Variants in NAV2 observed in about 807,000 individuals in gnomAD.
NAV2 encodes the protein neuron navigator 2.
NAV2 carries 54 observed loss-of-function variants against 223.2 expected under a neutral mutation model. The ratio of observed to expected loss-of-function variants is 0.24; its 90% CI spans 0.19 to 0.30. NAV2 has a LOEUF of 0.30. Ranked by LOEUF, NAV2 falls within the 10% of genes least tolerant of loss-of-function variation. NAV2 has a pLI of 1.00. For synonymous variants in NAV2, 1,279 were observed against 1,239.3 expected (o/e 1.03, Z -0.67); for missense variants, 2,806 against 3,147.5 (o/e 0.89, Z 2.60).
At chr11:19,423,171 G>T (rs924482477) in intron 1 of NAV2, among the ~76,000 whole-genome samples, 3 of 152,174 alleles carry the variant, frequency 2.0e-5, no homozygotes, top group Non-Finnish European at 4.4e-5. Context: ...CATTATTTTG[G>T]TAGCTTCAGC....
At chr11:19,694,051 A>C (rs1006071591) in intron 1 of NAV2, among the ~76,000 whole-genome samples, 1 of 152,210 alleles carries the variant, frequency 6.6e-6, no homozygotes, top group African/African-American at 2.4e-5. Context: ...GAATGATGTC[A>C]TTTGATCTTC....
chr11:20,004,569 G>T (rs1815190045), intron 11 of NAV2, among the ~76,000 whole-genome samples: 2 of 152,158 alleles, frequency 1.3e-5, no homozygotes, highest in South Asian at 4.1e-4. Flanking sequence ...ATTCTGATCA[G>T]GTTACAGTGA....
At chr11:19,800,592 G>A (rs2058188675) in intron 1 of NAV2, among the ~76,000 whole-genome samples, 1 of 151,898 alleles carries the variant, frequency 6.6e-6, no homozygotes, top group Admixed American at 6.6e-5. Context: ...AAATTATCTT[G>A]AAATGCAAGC....
chr11:19,937,361 C>T (rs2045999321), intron 7 of NAV2, among the ~76,000 whole-genome samples: 1 of 144,866 alleles, frequency 6.9e-6, no homozygotes, highest in Admixed American at 6.9e-5. Flanking sequence ...TCCCCCCCCG[C>T]CCACCAAAAC....
chr11:19,778,469 G>T, intron 1 of NAV2: 2 of 359,214 alleles, frequency 5.6e-6, no homozygotes, highest in South Asian at 2.1e-5. Context: ...CATACTTACT[G>T]GTGTGAGGTC....
chr11:19,527,971 C>CACACACACACACACACAA (rs2043896971), intron 1 of NAV2, among the ~76,000 whole-genome samples: 1 of 149,462 alleles, frequency 6.7e-6, no homozygotes, highest in African/African-American at 2.5e-5. Context: ...CACACACACA[C>CACACACACACACACACAA]AATCCTGGGA....
chr11:19,630,278 A>G (rs188942667), intron 1 of NAV2, among the ~76,000 whole-genome samples: 6 of 152,238 alleles, frequency 3.9e-5, no homozygotes, highest in South Asian at 2.1e-4. Context: ...CTTAGCCCCA[A>G]ATCCTCAACC....
intron 11 of NAV2, among the ~76,000 whole-genome samples, chr11:19,996,220 G>T (rs1039462488): frequency 6.6e-6 from 1 of 152,206 alleles, no homozygotes; most frequent in Non-Finnish European, 1.5e-5. Flanking sequence ...CATTGTGCTT[G>T]CCTCCCTCTT....
At position 19,570,554 on chromosome 11, in the gene NAV2, G is replaced by C. The variant is rs112565774; in HGVS notation, c.75+219527G>C. Among the ~76,000 whole-genome samples the C allele has an allele frequency of 2.4e-3, 358 of 152,242 alleles. 1 individual carries two copies. The highest frequency in any genetic ancestry group is 7.5e-3 in the African/African-American group (312 of 41,548). ...ATATATCTGGTAAGTCTAGTATTCAGAATATATCAAAAGCTCAATGTTAAA... is the reference window on the plus strand; with the variant it reads ...ATATATCTGGTAAGTCTAGTATTCACAATATATCAAAAGCTCAATGTTAAA... On this transcript the variant is annotated intron_variant, in intron 1 of 37. Coordinates refer to the NAV2 transcript ENST00000360655.
intron 6 of NAV2, among the ~76,000 whole-genome samples, chr11:19,923,445 C>T (rs2044456215): frequency 6.6e-6 from 1 of 152,048 alleles, no homozygotes; most frequent in Non-Finnish European, 1.5e-5. Flanking sequence ...CTTACCTGAC[C>T]ATAGAATCTC....
At chr11:19,888,396 TAGCTCTTC>T (rs2041210498) in intron 5 of NAV2, among the ~76,000 whole-genome samples, 1 of 152,140 alleles carries the variant, frequency 6.6e-6, no homozygotes, top group African/African-American at 2.4e-5. Flanking sequence ...AGCCAAGACC[TAGCTCTTC>T]AGCAAACAGG....
At chr11:19,871,265 A>C (rs2062472289) in intron 4 of NAV2, among the ~76,000 whole-genome samples, 1 of 152,148 alleles carries the variant, frequency 6.6e-6, no homozygotes, top group African/African-American at 2.4e-5. Flanking sequence ...CATATTTATG[A>C]CTCAGTGACG....
intron 1 of NAV2, among the ~76,000 whole-genome samples, chr11:19,692,273 A>G (rs1349073870): frequency 6.6e-6 from 1 of 152,248 alleles, no homozygotes; most frequent in Non-Finnish European, 1.5e-5. Flanking sequence ...TGTGACCTGC[A>G]TGTGACTCAC....
At chr11:19,470,398 A>T (rs1310064663) in intron 1 of NAV2, among the ~76,000 whole-genome samples, 2 of 152,190 alleles carry the variant, frequency 1.3e-5, no homozygotes, top group African/African-American at 4.8e-5. Context: ...AGACTGGGTA[A>T]TTTATAAAGA....
At chr11:19,375,723 C>A (rs951205813) in intron 1 of NAV2, among the ~76,000 whole-genome samples, 4 of 152,172 alleles carry the variant, frequency 2.6e-5, no homozygotes, top group Non-Finnish European at 5.9e-5. Context: ...CGTCACACTA[C>A]CTAATAAAAC....
At chr11:19,604,795 T>C (rs1565093361) in intron 1 of NAV2, among the ~76,000 whole-genome samples, 1 of 152,162 alleles carries the variant, frequency 6.6e-6, no homozygotes, top group Non-Finnish European at 1.5e-5. Flanking sequence ...GGTCTGGGAT[T>C]GAATTATGGG....
chr11:20,074,351 G>A (rs1316412845), intron 22 of NAV2, among the ~76,000 whole-genome samples: 3 of 152,032 alleles, frequency 2.0e-5, no homozygotes, highest in South Asian at 2.1e-4. Context: ...TTTTACTTCC[G>A]ATTATGTGGT....
At chr11:19,472,894 C>A (rs1405360912) in intron 1 of NAV2, among the ~76,000 whole-genome samples, 1 of 152,186 alleles carries the variant, frequency 6.6e-6, no homozygotes, top group African/African-American at 2.4e-5. Context: ...CTGTGCAGTG[C>A]ATTAAAGAAC....
intron 1 of NAV2, among the ~76,000 whole-genome samples, chr11:19,369,414 T>C (rs1225497641): frequency 2.0e-5 from 3 of 152,344 alleles, no homozygotes; most frequent in Non-Finnish European, 2.9e-5. Context: ...CCTGGTCTAC[T>C]CTGTATTTGA....
Sources: allele counts gnomAD v4.1 joint callset (sites outside exome capture counted in the v4.1 genomes callset), GRCh38; gene constraint gnomAD v4.1.1; transcripts MANE v1.5; gene names NCBI Gene and HGNC (gene_info 2026-07-23, HGNC 2026-07-21).